SGCZ: variants seen among roughly 807,000 people sequenced by gnomAD.
The protein encoded by SGCZ is zeta-sarcoglycan.
In SGCZ, 40 loss-of-function variants were observed where a neutral mutation model predicts 41.3. The observed-to-expected ratio is 0.97, with a 90% CI of 0.75 to 1.26. The LOEUF is 1.26. Among genes scored for constraint, SGCZ ranks in the 50% most tolerant of loss-of-function variants. The pLI, the probability that SGCZ is intolerant of heterozygous loss-of-function variation, is 0.00. For synonymous variants in SGCZ, 206 were observed against 137.5 expected (o/e 1.50, Z -3.49); for missense variants, 552 against 369.8 (o/e 1.49, Z -4.04).
intron 2 of SGCZ, among the ~76,000 whole-genome samples, chr8:14,548,711 G>T (rs1040530807): frequency 6.6e-6 from 1 of 151,996 alleles, no homozygotes; most frequent in Non-Finnish European, 1.5e-5. Context: ...ATTAGTGGGG[G>T]CTTATTTTGT....
intron 2 of SGCZ, among the ~76,000 whole-genome samples, chr8:14,541,398 G>C (rs1803463112): frequency 1.3e-5 from 2 of 152,008 alleles, no homozygotes; most frequent in African/African-American, 2.4e-5. Context: ...GAGGGGTTTG[G>C]TTTTCTGTTC....
At chr8:15,017,507 A>G (rs577904709) in intron 1 of SGCZ, among the ~76,000 whole-genome samples, 7 of 152,160 alleles carry the variant, frequency 4.6e-5, no homozygotes, top group African/African-American at 1.4e-4. Flanking sequence ...TTAGCATCAC[A>G]TTATTTTTTT....
chr8:14,405,757 A>G (rs11998615), intron 2 of SGCZ, among the ~76,000 whole-genome samples: 20,426 of 152,200 alleles, frequency 0.13, 2,999 homozygotes, highest in African/African-American at 0.36. Flanking sequence ...TGTATGTCAT[A>G]TAATTTTTCA....
intron 2 of SGCZ, among the ~76,000 whole-genome samples, chr8:14,455,325 G>C (rs1174461746): frequency 1.3e-5 from 2 of 152,042 alleles, no homozygotes; most frequent in Non-Finnish European, 2.9e-5. Context: ...CTAAGGTACT[G>C]TTTTCTATTT....
rs149494830 is a variant in SGCZ at position 14,626,198 on chromosome 8, G to C, written c.40-71272C>G. ...TAAGATACTTGTGCACAATGGGCAG[G>C]TTTGTTACATAGGTAAACGTGTGTC... On this transcript the variant is annotated intron_variant, in intron 1 of 7. Coordinates refer to ENST00000382080, the MANE Select transcript of SGCZ (RefSeq NM_139167.4). Among the ~76,000 whole-genome samples the C allele has an allele frequency of 3.0e-3, 456 of 151,958 alleles. 1 individual carries two copies. The highest frequency in any genetic ancestry group is 0.01 in the African/African-American group (431 of 41,456).
chr8:14,435,585 A>C (rs1208005316), intron 2 of SGCZ, among the ~76,000 whole-genome samples: 1 of 152,258 alleles, frequency 6.6e-6, no homozygotes, highest in East Asian at 1.9e-4. Context: ...AAGTCAGCAC[A>C]AAGATAGCAT....
intron 1 of SGCZ, among the ~76,000 whole-genome samples, chr8:14,971,636 T>C (rs1250418709): frequency 2.1e-5 from 3 of 144,370 alleles, no homozygotes; most frequent in East Asian, 2.0e-4. Flanking sequence ...GCATTACTCA[T>C]TTTATATACT....
intron 1 of SGCZ, among the ~76,000 whole-genome samples, chr8:14,986,340 T>C (rs559771097): frequency 6.6e-6 from 1 of 152,234 alleles, no homozygotes; most frequent in African/African-American, 2.4e-5. Context: ...AAAGATAATT[T>C]ACTTCGGCGC....
chr8:14,463,317 A>G (rs1800954146), intron 2 of SGCZ, among the ~76,000 whole-genome samples: 1 of 151,496 alleles, frequency 6.6e-6, no homozygotes. Flanking sequence ...AACTTATTAT[A>G]AAGATACAGT....
intron 1 of SGCZ, among the ~76,000 whole-genome samples, chr8:15,068,575 G>C (rs1375017560): frequency 6.6e-6 from 1 of 152,090 alleles, no homozygotes; most frequent in Non-Finnish European, 1.5e-5. Flanking sequence ...CAAACAGCTA[G>C]TAAATTTTAA....
At chr8:14,341,164 ATTTG>A (rs1291756067) in intron 2 of SGCZ, among the ~76,000 whole-genome samples, 2 of 152,106 alleles carry the variant, frequency 1.3e-5, no homozygotes, top group African/African-American at 4.8e-5. Context: ...TATTTTATGT[ATTTG>A]TTTATCTGTC....
intron 1 of SGCZ, among the ~76,000 whole-genome samples, chr8:14,889,165 A>G (rs1318807583): frequency 6.6e-6 from 1 of 152,112 alleles, no homozygotes; most frequent in Non-Finnish European, 1.5e-5. Flanking sequence ...GATTCAGTGA[A>G]AAAATGGCAA....
chr8:14,635,562 C>T (rs147268158), intron 1 of SGCZ, among the ~76,000 whole-genome samples: 5 of 151,882 alleles, frequency 3.3e-5, no homozygotes, highest in African/African-American at 1.2e-4. Flanking sequence ...AGAAATAATT[C>T]GTAAGTTTTA....
rs372694858 is a variant in SGCZ at position 14,846,862 on chromosome 8, G to C, written c.40-291936C>G. Among the ~76,000 whole-genome samples the C allele has an allele frequency of 3.9e-5, 6 of 152,122 alleles. No individual in the cohort carries two copies. In the East Asian group the frequency reaches 9.7e-4, roughly 25 times the overall value. ...AGTCGGGTGGATTGCCTGAGTTCAG[G>C]AGTTTGAGACCAGCCTGGGCAACTC... is the stretch of plus-strand genomic sequence containing the variant. On this transcript the variant is annotated intron_variant, in intron 1 of 7. Coordinates refer to ENST00000382080, the MANE Select transcript of SGCZ (RefSeq NM_139167.4).
chr8:15,100,817 T>A (rs1806581735), intron 1 of SGCZ, among the ~76,000 whole-genome samples: 1 of 152,024 alleles, frequency 6.6e-6, no homozygotes, highest in Non-Finnish European at 1.5e-5. Context: ...ACCCTGTCTC[T>A]ACAATAATTA....
chr8:14,278,565 A>G (rs1017231294), intron 3 of SGCZ, among the ~76,000 whole-genome samples: 1 of 152,170 alleles, frequency 6.6e-6, no homozygotes, highest in Non-Finnish European at 1.5e-5. Flanking sequence ...GTTGAAAAAT[A>G]GTATTAAAAG....
intron 1 of SGCZ, among the ~76,000 whole-genome samples, chr8:15,131,437 C>A (rs1409834996): frequency 6.6e-6 from 1 of 152,200 alleles, no homozygotes; most frequent in Non-Finnish European, 1.5e-5. Context: ...GTCCATTAAA[C>A]CTCTTTTCCT....
chr8:14,565,468 G>A (rs897375155), intron 1 of SGCZ, among the ~76,000 whole-genome samples: 1 of 152,046 alleles, frequency 6.6e-6, no homozygotes, highest in Non-Finnish European at 1.5e-5. Context: ...TTCCTGCTCA[G>A]AGGTTATCAA....
At chr8:14,285,598 A>T (rs1453208379) in intron 3 of SGCZ, among the ~76,000 whole-genome samples, 1 of 152,146 alleles carries the variant, frequency 6.6e-6, no homozygotes, top group Non-Finnish European at 1.5e-5. Context: ...AATAAAACAA[A>T]TGATTCTTGC....
Sources: allele counts gnomAD v4.1 joint callset (sites outside exome capture counted in the v4.1 genomes callset), GRCh38; gene constraint gnomAD v4.1.1; transcripts MANE v1.5; gene names NCBI Gene and HGNC (gene_info 2026-07-23, HGNC 2026-07-21).